The following PDE4D variants were observed in gnomAD, a reference collection of about 807,000 sequenced individuals.
PDE4D encodes the protein phosphodiesterase 4D.
PDE4D carries 24 observed loss-of-function variants against 87.4 expected under a neutral mutation model. That is an observed-to-expected ratio of 0.27 (90% confidence interval 0.20 to 0.39). The LOEUF is 0.39. PDE4D is among the 10% of genes least tolerant of loss of function. PDE4D has a pLI of 1.00. For missense variants in PDE4D, 714 were observed against 1,041.0 expected (o/e 0.69, Z 4.32); for synonymous variants, 384 against 383.2 (o/e 1.00, Z -0.02).
chr5:59,030,319 T>A (rs1757117776), intron 6 of PDE4D, among the ~76,000 whole-genome samples: 1 of 144,836 alleles, frequency 6.9e-6, no homozygotes, highest in Non-Finnish European at 1.5e-5. Context: ...TATAAAAAAT[T>A]CAAACAACCA....
At chr5:60,252,513 A>G (rs181780049) in intron 1 of PDE4D, among the ~76,000 whole-genome samples, 1 of 151,410 alleles carries the variant, frequency 6.6e-6, no homozygotes, top group East Asian at 2.0e-4. Context: ...GGAGCCTTTC[A>G]AATGCATGAT....
At chr5:60,480,712 T>C (rs1393016839) in intron 1 of PDE4D, among the ~76,000 whole-genome samples, 1 of 152,198 alleles carries the variant, frequency 6.6e-6, no homozygotes, top group Non-Finnish European at 1.5e-5. Flanking sequence ...ATATGTGGAC[T>C]GCCTTAGTTC....
intron 2 of PDE4D, among the ~76,000 whole-genome samples, chr5:60,098,356 C>T (rs1775889683): frequency 6.6e-6 from 1 of 151,908 alleles, no homozygotes; most frequent in Non-Finnish European, 1.5e-5. Flanking sequence ...GGGGTTGAAT[C>T]TGTATATTAC....
At position 60,198,162 on chromosome 5, in the gene PDE4D, A is replaced by G. The variant is rs901208898; in HGVS notation, c.-89-12475T>C. Among the ~76,000 whole-genome samples the G allele has an allele frequency of 4.0e-5, 6 of 151,560 alleles. No homozygotes were observed. The South Asian group carries it at 8.3e-4, about 21-fold the overall frequency. On this transcript the variant is annotated intron_variant, in intron 1 of 16. Coordinates refer to the PDE4D transcript ENST00000502484. ...TAAATTATAATATTTTTCTGCCATT[A>G]GAGAATCATTTTCAATATACTCTTT...
chr5:59,306,273 G>A (rs1483976083), intron 1 of PDE4D, among the ~76,000 whole-genome samples: 2 of 152,104 alleles, frequency 1.3e-5, no homozygotes, highest in Non-Finnish European at 2.9e-5. Flanking sequence ...TTAAGTTTAT[G>A]TTGGTCCTTA....
intron 1 of PDE4D, among the ~76,000 whole-genome samples, chr5:59,535,712 A>G (rs1490012458): frequency 6.6e-6 from 1 of 152,242 alleles, no homozygotes; most frequent in African/African-American, 2.4e-5. Context: ...ACTATCTGCC[A>G]CAACTTATAA....
At chr5:59,567,482 G>C (rs1216092552) in intron 1 of PDE4D, among the ~76,000 whole-genome samples, 1 of 152,148 alleles carries the variant, frequency 6.6e-6, no homozygotes, top group Non-Finnish European at 1.5e-5. Flanking sequence ...AACTTAAATT[G>C]TGGAATTATC....
chr5:59,600,774 A>G (rs973960137), intron 1 of PDE4D, among the ~76,000 whole-genome samples: 4 of 152,156 alleles, frequency 2.6e-5, no homozygotes, highest in African/African-American at 9.6e-5. Context: ...TCAAATTGAA[A>G]TTGCTATTAT....
At chr5:59,122,520 T>A (rs1774718263) in intron 5 of PDE4D, among the ~76,000 whole-genome samples, 1 of 152,176 alleles carries the variant, frequency 6.6e-6, no homozygotes, top group South Asian at 2.1e-4. Context: ...GTATTGCATA[T>A]TTCAAAATAG....
At chr5:60,059,040 A>ATGTGTGTGTGTG (rs70975363) in intron 2 of PDE4D, among the ~76,000 whole-genome samples, 8,292 of 142,306 alleles carry the variant, frequency 0.058, 430 homozygotes, top group African/African-American at 0.14. Context: ...GCATTGTCAT[A>ATGTGTGTGTGTG]TGTGTGTGTG....
At chr5:59,662,581 C>T (rs754917900) in intron 1 of PDE4D, among the ~76,000 whole-genome samples, 2 of 152,118 alleles carry the variant, frequency 1.3e-5, no homozygotes, top group African/African-American at 2.4e-5. Context: ...ACTTAGATTG[C>T]CATTCTTAAA....
At chr5:60,349,474 G>A (rs952341379) in intron 1 of PDE4D, among the ~76,000 whole-genome samples, 1 of 152,018 alleles carries the variant, frequency 6.6e-6, no homozygotes, top group African/African-American at 2.4e-5. Context: ...TCATCAGTAG[G>A]GCAAATTTAA....
chr5:60,205,248 G>A (rs183078073), intron 1 of PDE4D, among the ~76,000 whole-genome samples: 18 of 152,296 alleles, frequency 1.2e-4, no homozygotes, highest in Non-Finnish European at 2.6e-4. Flanking sequence ...CCTGTGATGG[G>A]CCGGCCCATG....
intron 1 of PDE4D, among the ~76,000 whole-genome samples, chr5:59,349,094 T>G (rs1780088848): frequency 1.3e-5 from 2 of 151,978 alleles, no homozygotes; most frequent in Admixed American, 6.6e-5. Context: ...AATAAGTAAA[T>G]AAAATAATAC....
At chr5:59,423,091 T>C (rs1417259731) in intron 1 of PDE4D, among the ~76,000 whole-genome samples, 2 of 152,200 alleles carry the variant, frequency 1.3e-5, no homozygotes, top group African/African-American at 4.8e-5. Flanking sequence ...TCTCCCCTAC[T>C]CATCTTCTCC....
intron 1 of PDE4D, among the ~76,000 whole-genome samples, chr5:59,648,894 G>A (rs1041808415): frequency 6.6e-6 from 1 of 152,142 alleles, no homozygotes; most frequent in African/African-American, 2.4e-5. Flanking sequence ...TTCTAAAAAT[G>A]AGTCCTAGGC....
chr5:59,852,348 T>C (rs1187250578), intron 1 of PDE4D, among the ~76,000 whole-genome samples: 3 of 152,104 alleles, frequency 2.0e-5, no homozygotes, highest in Admixed American at 1.3e-4. Context: ...TTTGAGGCTC[T>C]ATCATAAAAG....
Position 58,990,844 on chromosome 5 carries a change from C to A in PDE4D, c.1247G>T (p.Gly416Val), listed in dbSNP as rs376373740. Reference protein sequence around the residue: ...LHVFRIAELSGNRPLTVIMHT... With the variant: ...LHVFRIAELSVNRPLTVIMHT... ...CATGATAACAGTCAAGGGCCGGTTA[C>A]CAGACAACTCTGCTATTCTGAAAAC... Residue 416 changes from glycine to valine, a missense_variant, in exon 9 of 15, where the codon GGT becomes GTT. Around this residue, in one of 7 missense-constraint regions of PDE4D, gnomAD observed 141 missense variants for 204.3 expected, o/e 0.69. Coordinates refer to ENST00000340635, the MANE Select transcript of PDE4D (RefSeq NM_001104631.2). The A allele has an allele frequency of 1.2e-5, 20 of 1,605,922 alleles. No homozygotes were observed. The highest frequency in any genetic ancestry group is 1.6e-5 in the Non-Finnish European group (19 of 1,175,654).
intron 1 of PDE4D, among the ~76,000 whole-genome samples, chr5:59,445,090 C>T (rs1434208725): frequency 1.3e-5 from 2 of 152,168 alleles, no homozygotes; most frequent in Non-Finnish European, 2.9e-5. Flanking sequence ...CTTCCCACCA[C>T]AATTTACTTA....
Sources: allele counts gnomAD v4.1 joint callset (sites outside exome capture counted in the v4.1 genomes callset), GRCh38; gene constraint gnomAD v4.1.1; regional missense constraint gnomAD v4.1.1; transcripts MANE v1.5; gene names NCBI Gene and HGNC (gene_info 2026-07-23, HGNC 2026-07-21).